GPR89A: variants seen among roughly 807,000 people sequenced by gnomAD.
GPR89A encodes golgi pH regulator A.
Under a neutral mutation model 52.0 loss-of-function variants are expected in GPR89A, and 16 were observed. The observed-to-expected ratio is 0.31, with a 90% CI of 0.21 to 0.47. The LOEUF (loss-of-function observed/expected upper bound fraction) is 0.47. GPR89A is among the 20% of genes least tolerant of loss of function. The pLI is 1.00. For synonymous variants in GPR89A, 55 were observed against 150.9 expected (o/e 0.36, Z 4.66); for missense variants, 135 against 449.4 (o/e 0.30, Z 6.33).
chr1:145,616,326 A>G (rs781829667), intron 2 of GPR89A, 33 bp downstream of exon 2: 8 of 1,575,116 alleles, frequency 5.1e-6, no homozygotes, highest in South Asian at 3.4e-5. Flanking sequence ...TACTTACACT[A>G]TATGATTTAG....
At position 145,620,113 on chromosome 1, in the gene GPR89A, A is replaced by G. The variant is rs1447571799; in HGVS notation, c.206+1690A>G. On this transcript the variant is annotated intron_variant, in intron 3 of 13. Transcript: ENST00000313835. ...GAATAGACAGGTATTATTTTACATA[A>G]TGGTTATTAAATTTTATTATCACAA... Among the ~76,000 whole-genome samples, 7 of 152,102 alleles carry G rather than the reference A, an allele frequency of 4.6e-5. No individual in the cohort carries two copies. In the East Asian group the frequency reaches 5.8e-4, roughly 13 times the overall value.
At chr1:145,612,456 C>A (rs1297888059) in intron 1 of GPR89A, among the ~76,000 whole-genome samples, 1 of 151,976 alleles carries the variant, frequency 6.6e-6, no homozygotes, top group Non-Finnish European at 1.5e-5. Context: ...TCAATAAGAG[C>A]TGAAAAAATA....
At chr1:145,609,049 AGT>A (rs1553685647) in intron 1 of GPR89A, among the ~76,000 whole-genome samples, 1 of 152,190 alleles carries the variant, frequency 6.6e-6, no homozygotes, top group African/African-American at 2.4e-5. Context: ...CCCACTTCCA[AGT>A]GCAGGCATTC....
chr1:145,657,370 G>A lies in GPR89A; in HGVS notation c.910-5959G>A, dbSNP rs1162294315. On this transcript the variant is annotated intron_variant, in intron 10 of 13. Transcript: ENST00000313835. ...CACACCGCTGCACTCCAGCTTGAAT[G>A]ACAGAGGGAGACTCTGTCTCAAAAA... Among the ~76,000 whole-genome samples the A allele has an allele frequency of 4.1e-5, 6 of 147,746 alleles. No homozygotes were observed. The East Asian group carries it at 1.2e-3, about 29-fold the overall frequency.
At chr1:145,641,525 A>G (rs1221527025) in intron 7 of GPR89A, among the ~76,000 whole-genome samples, 2 of 150,918 alleles carry the variant, frequency 1.3e-5, no homozygotes, top group Non-Finnish European at 2.9e-5. Flanking sequence ...ATTTTTTCTC[A>G]AAACTACATT....
In GPR89A at chr1:145,623,099, G is replaced by T. The variant is rs1212284696; in HGVS notation, c.252G>T (p.Leu84=). The change falls in exon 4 of 14, where the codon CTG becomes CTT. Residue 84 remains leucine (L), a synonymous_variant. Coordinates refer to ENST00000313835, the MANE Select transcript of GPR89A (RefSeq NM_001097612.2). ...HWKMNLCVIL[L]ILVFMVPFYI... The stretch of plus-strand genomic sequence containing the variant: ...AAATGAACCTGTGTGTAATTCTGCT[G>T]ATCCTGGTTTTCATGGTGCCTTTTT... 6.2e-7 allele frequency: 1 copy of T among 1,612,482 alleles called. No individual in the cohort carries two copies. Among genetic ancestry groups the T allele is most frequent in the East Asian group, 2.2e-5 (1 of 44,770 alleles).
At chr1:145,654,324 C>T (rs1313662290) in intron 10 of GPR89A, among the ~76,000 whole-genome samples, 3 of 151,842 alleles carry the variant, frequency 2.0e-5, no homozygotes, top group African/African-American at 7.3e-5. Context: ...GAGGCCGAGG[C>T]GGGCAGATCA....
intron 12 of GPR89A, 117 bp from the exon 13 acceptor site, chr1:145,669,508 A>G (rs1385054539): frequency 1.2e-5 from 9 of 751,098 alleles, no homozygotes; most frequent in African/African-American, 3.5e-5. Context: ...GAATTGTTCT[A>G]TACAGGATTG....
At chr1:145,665,513 T>G (rs1246093279) in intron 11 of GPR89A, 49 bp from the exon 12 acceptor site, 5 of 1,551,046 alleles carry the variant, frequency 3.2e-6, no homozygotes, top group Non-Finnish European at 3.6e-6. Context: ...AGCCCTTACG[T>G]CTCTCTGAAC....
intron 10 of GPR89A, among the ~76,000 whole-genome samples, chr1:145,648,168 G>A (rs1439546705): frequency 2.0e-5 from 3 of 149,096 alleles, no homozygotes; most frequent in African/African-American, 4.9e-5. Flanking sequence ...CTTTACCTCT[G>A]ACTCAGGTAT....
intron 1 of GPR89A, among the ~76,000 whole-genome samples, chr1:145,610,107 TC>T (rs1648149051): frequency 6.6e-6 from 1 of 152,088 alleles, no homozygotes; most frequent in African/African-American, 2.4e-5. Flanking sequence ...AGCATCTAGA[TC>T]AGTTGCGGGC....
At chr1:145,638,202 T>A (rs1399339198) in intron 7 of GPR89A, among the ~76,000 whole-genome samples, 1 of 148,982 alleles carries the variant, frequency 6.7e-6, no homozygotes, top group Non-Finnish European at 1.5e-5. Context: ...TGAGATAGAG[T>A]AATAGAAATT....
At chr1:145,629,850 A>G (rs1396000711) in intron 5 of GPR89A, among the ~76,000 whole-genome samples, 1 of 152,124 alleles carries the variant, frequency 6.6e-6, no homozygotes, top group Non-Finnish European at 1.5e-5. Context: ...GAAAAGGAAT[A>G]TTGGAATTTT....
chr1:145,635,945 G>A (rs1161749573), intron 7 of GPR89A, among the ~76,000 whole-genome samples: 9 of 151,634 alleles, frequency 5.9e-5, no homozygotes, highest in South Asian at 2.1e-4. Context: ...GGGGCAGAAC[G>A]AGACTCTGTC....
chr1:145,654,136 GAGT>G (rs1266821893), intron 10 of GPR89A, among the ~76,000 whole-genome samples: 2 of 152,088 alleles, frequency 1.3e-5, no homozygotes, highest in African/African-American at 2.4e-5. Context: ...CTTCCTTCAG[GAGT>G]TCTTGCAAGG....
chr1:145,639,233 C>A (rs1468775692), intron 7 of GPR89A, among the ~76,000 whole-genome samples: 1 of 151,732 alleles, frequency 6.6e-6, no homozygotes, highest in African/African-American at 2.4e-5. Flanking sequence ...TAATGTTATT[C>A]ATTTCAAAAT....
chr1:145,645,315 G>A (rs1650907331), intron 8 of GPR89A: 2 of 329,676 alleles, frequency 6.1e-6, no homozygotes. Context: ...GGGTAATAGT[G>A]GGAAAAATCA....
At position 145,646,167 on chromosome 1, in the gene GPR89A, T is replaced by A. The variant is rs1553692498; in HGVS notation, c.728-17T>A. The A allele has an allele frequency of 6.2e-7, 1 of 1,613,182 alleles. No homozygotes were observed. Among genetic ancestry groups the A allele is most frequent in the South Asian group, 1.1e-5 (1 of 91,044 alleles). On this transcript the variant is annotated splice_polypyrimidine_tract_variant and intron_variant, in intron 8 of 13. Coordinates refer to ENST00000313835, the MANE Select transcript of GPR89A (RefSeq NM_001097612.2). ...AATTCCTATGTGATTAAAACCTTGA[T>A]GCCCATTCTGTGCCAGATCTTACTC...
At chr1:145,664,632 AG>A (rs1279795204) in intron 11 of GPR89A, among the ~76,000 whole-genome samples, 2 of 148,200 alleles carry the variant, frequency 1.3e-5, no homozygotes, top group Non-Finnish European at 3.0e-5. Context: ...TCTGGGCGAC[AG>A]AGTGAGACCC....
Sources: gnomAD v4.1 joint callset for allele counts (sites outside exome capture counted in the v4.1 genomes callset) on GRCh38, gnomAD v4.1.1 for gene constraint, MANE v1.5 for transcripts, NCBI Gene and HGNC (gene_info 2026-07-23, HGNC 2026-07-21) for gene names.